FRMD5: variants seen among roughly 807,000 people sequenced by gnomAD.
FRMD5 encodes the protein FERM domain-containing protein 5.
In FRMD5, 20 loss-of-function variants were observed where a neutral mutation model predicts 69.0. The ratio of observed to expected loss-of-function variants is 0.29; its 90% CI spans 0.20 to 0.42. FRMD5 has a LOEUF of 0.42. Among genes scored for constraint, FRMD5 ranks in the 10% least tolerant of loss-of-function variants. FRMD5 has a pLI of 1.00. For missense variants in FRMD5, 595 were observed against 708.6 expected (o/e 0.84, Z 1.82); for synonymous variants, 271 against 260.1 (o/e 1.04, Z -0.40).
At chr15:43,989,218 G>A (rs1889547400) in intron 1 of FRMD5, 1 of 813,326 alleles carries the variant, frequency 1.2e-6, no homozygotes, top group Non-Finnish European at 2.2e-6. Context: ...GATCTTCATT[G>A]TGCTGGGCGC....
At chr15:43,935,973 G>C (rs993503203) in intron 1 of FRMD5, among the ~76,000 whole-genome samples, 1 of 152,164 alleles carries the variant, frequency 6.6e-6, no homozygotes. Flanking sequence ...ACGCGGTTTA[G>C]ACATACCTGA....
rs1429345781 is a variant in FRMD5 at position 43,873,182 on chromosome 15, T to C, written c.*703A>G. 7 of 1,550,542 alleles carry C rather than the reference T, an allele frequency of 4.5e-6. No individual in the cohort carries two copies. Among genetic ancestry groups the C allele is most frequent in the Non-Finnish European group, 6.1e-6 (7 of 1,146,940 alleles). ...GGGGACAGACTTACCCCACCCCTGA[T>C]GCTGCTGTTGCTGTAGCGGTGGTCC... is the stretch of plus-strand genomic sequence containing the variant. On this transcript the variant is annotated 3_prime_UTR_variant, in exon 14 of 14. Coordinates refer to ENST00000417257, the MANE Select transcript of FRMD5 (RefSeq NM_032892.5).
chr15:43,959,741 C>T (rs1428791594), intron 1 of FRMD5, among the ~76,000 whole-genome samples: 1 of 152,154 alleles, frequency 6.6e-6, no homozygotes, highest in African/African-American at 2.4e-5. Context: ...GTTAAGATTA[C>T]TGACATCTGA....
intron 1 of FRMD5, among the ~76,000 whole-genome samples, chr15:43,941,486 A>T (rs2089862686): frequency 6.6e-6 from 1 of 152,094 alleles, no homozygotes; most frequent in South Asian, 2.1e-4. Context: ...TCTGGACATA[A>T]CCCTGTCAAT....
At chr15:43,929,550 T>C (rs997579856) in intron 1 of FRMD5, among the ~76,000 whole-genome samples, 1 of 152,132 alleles carries the variant, frequency 6.6e-6, no homozygotes, top group African/African-American at 2.4e-5. Context: ...TGGTTCACAA[T>C]CTGTTAAAGG....
At chr15:43,895,155 T>C (rs1311457358) in intron 7 of FRMD5, among the ~76,000 whole-genome samples, 1 of 152,280 alleles carries the variant, frequency 6.6e-6, no homozygotes, top group Non-Finnish European at 1.5e-5. Flanking sequence ...CAAATCCTTT[T>C]GTAAAATCTA....
At chr15:44,033,394 T>TA (rs1013065777) in intron 1 of FRMD5, among the ~76,000 whole-genome samples, 22 of 149,380 alleles carry the variant, frequency 1.5e-4, no homozygotes, top group Admixed American at 2.7e-4. Flanking sequence ...ACCTAAAAGT[T>TA]AAAAAAAAAA....
chr15:43,893,595 A>T (rs2088846629), intron 7 of FRMD5, among the ~76,000 whole-genome samples: 1 of 152,184 alleles, frequency 6.6e-6, no homozygotes, highest in Non-Finnish European at 1.5e-5. Flanking sequence ...CCAGAAACTT[A>T]TGCTGTGATG....
chr15:44,034,073 G>T (rs1891805249), intron 1 of FRMD5, among the ~76,000 whole-genome samples: 1 of 152,166 alleles, frequency 6.6e-6, no homozygotes, highest in Admixed American at 6.5e-5. Flanking sequence ...CAGTCACATG[G>T]GGTTCTGGAA....
At chr15:44,121,210 A>G (rs2076944872) in intron 1 of FRMD5, among the ~76,000 whole-genome samples, 1 of 148,896 alleles carries the variant, frequency 6.7e-6, no homozygotes, top group Non-Finnish European at 1.5e-5. Context: ...TAGTGCAAAA[A>G]GCTCAATTAG....
intron 1 of FRMD5, among the ~76,000 whole-genome samples, chr15:44,187,251 T>C (rs755756969): frequency 6.6e-6 from 1 of 152,224 alleles, no homozygotes; most frequent in Non-Finnish European, 1.5e-5. Flanking sequence ...CTTGACATAA[T>C]GCCATTGCTT....
At chr15:44,030,981 A>AT (rs1264823527) in intron 1 of FRMD5, among the ~76,000 whole-genome samples, 1 of 151,442 alleles carries the variant, frequency 6.6e-6, no homozygotes, top group African/African-American at 2.4e-5. Flanking sequence ...AAGAAAAAAA[A>AT]AAAGAAGCCC....
chr15:44,191,606 T>A (rs1417172032), intron 1 of FRMD5, among the ~76,000 whole-genome samples: 1 of 151,298 alleles, frequency 6.6e-6, no homozygotes, highest in African/African-American at 2.4e-5. Context: ...ATAATAATAA[T>A]AAAATAATCT....
At chr15:43,890,621 G>A (rs982624479) in intron 8 of FRMD5, among the ~76,000 whole-genome samples, 8 of 152,218 alleles carry the variant, frequency 5.3e-5, no homozygotes, top group African/African-American at 9.6e-5. Context: ...AAAGCATTTT[G>A]TTGGACAGGA....
chr15:44,100,047 C>CTT lies in FRMD5; in HGVS notation c.102+94904_102+94905dup, dbSNP rs375230009. Among the ~76,000 whole-genome samples, 180 of 129,246 alleles carry CTT rather than the reference C, an allele frequency of 1.4e-3. 3 individuals are homozygous for CTT. Among genetic ancestry groups the CTT allele is most frequent in the African/African-American group, 4.4e-3 (150 of 33,904 alleles). 84.8% of individuals were successfully genotyped at this position (129,246 alleles called of 152,430 possible). On this transcript the variant is annotated intron_variant, in intron 1 of 13. Transcript: ENST00000417257. ...ACTGTATCTAATAGCTTCTTCTTCT[C>CTT]TTTTTTTTTTTTTTTTTTTTTAAGA... is the stretch of plus-strand genomic sequence containing the variant.
At chr15:44,112,591 G>A (rs963458940) in intron 1 of FRMD5, among the ~76,000 whole-genome samples, 8 of 151,170 alleles carry the variant, frequency 5.3e-5, no homozygotes, top group Non-Finnish European at 1.0e-4. Context: ...CTCAGCCTCC[G>A]GAGTAGCTGG....
intron 1 of FRMD5, among the ~76,000 whole-genome samples, chr15:44,058,463 T>G (rs1332346163): frequency 6.6e-6 from 1 of 152,188 alleles, no homozygotes; most frequent in African/African-American, 2.4e-5. Context: ...TTAAAGCCAC[T>G]GAATTATGTA....
intron 1 of FRMD5, among the ~76,000 whole-genome samples, chr15:44,083,508 C>G (rs1038932011): frequency 6.6e-6 from 1 of 152,034 alleles, no homozygotes; most frequent in Non-Finnish European, 1.5e-5. Context: ...AGCTTCACTA[C>G]TGGCTGATAT....
At chr15:43,894,181 G>A (rs2088860370) in intron 7 of FRMD5, among the ~76,000 whole-genome samples, 1 of 152,166 alleles carries the variant, frequency 6.6e-6, no homozygotes, top group African/African-American at 2.4e-5. Flanking sequence ...CTGTCAGGAG[G>A]CACCAGGGCT....
Sources: gnomAD v4.1 joint callset for allele counts (sites outside exome capture counted in the v4.1 genomes callset) on GRCh38, gnomAD v4.1.1 for gene constraint, MANE v1.5 for transcripts, NCBI Gene and HGNC (gene_info 2026-07-23, HGNC 2026-07-21) for gene names.